EFR3B: variants seen among roughly 807,000 people sequenced by gnomAD.
The protein encoded by EFR3B is EFR3 homolog B.
Under a neutral mutation model 104.7 loss-of-function variants are expected in EFR3B, and 64 were observed. The ratio of observed to expected loss-of-function variants is 0.61; its 90% CI spans 0.50 to 0.75. The LOEUF is 0.75. Ranked by LOEUF, EFR3B falls within the 30% of genes least tolerant of loss-of-function variation. EFR3B has a pLI of 0.00. For missense variants in EFR3B, 750 were observed against 1,078.5 expected, an observed-to-expected ratio of 0.70 and a Z score of 4.27; for synonymous variants, 385 against 417.9, an observed-to-expected ratio of 0.92 and a Z score of 0.96.
intron 4 of EFR3B, among the ~76,000 whole-genome samples, chr2:25,121,158 T>A (rs1573217498): frequency 6.6e-6 from 1 of 152,310 alleles, no homozygotes. Flanking sequence ...TGCCTCGGCC[T>A]CCCAAAGTGC....
intron 12 of EFR3B, among the ~76,000 whole-genome samples, chr2:25,134,186 T>A (rs113478055): frequency 0.41 from 61,204 of 150,924 alleles, 14,171 homozygotes; most frequent in East Asian, 0.62. Context: ...TATTTTTTTT[T>A]TTTTTTTTTT....
chr2:25,102,782 G>T lies in EFR3B; in HGVS notation c.213-855G>T, dbSNP rs116475817. Among the ~76,000 whole-genome samples, 175 of 152,214 alleles carry T rather than the reference G, an allele frequency of 1.1e-3. 1 individual carries two copies. The highest frequency in any genetic ancestry group is 2.1e-3 in the Non-Finnish European group (141 of 68,022). ...TCCGAAGTTGTTCACTCAGGCTTTAGACTTCAGAGGAATTGTTTAAGTAAT... is the reference window on the plus strand; with the variant it reads ...TCCGAAGTTGTTCACTCAGGCTTTATACTTCAGAGGAATTGTTTAAGTAAT... On this transcript the variant is annotated intron_variant, in intron 3 of 22. Coordinates refer to ENST00000403714, the MANE Select transcript of EFR3B (RefSeq NM_014971.2).
chr2:25,045,605 A>G (rs1303781415), intron 1 of EFR3B, among the ~76,000 whole-genome samples: 1 of 151,914 alleles, frequency 6.6e-6, no homozygotes, highest in Non-Finnish European at 1.5e-5. Context: ...AACATGGCGA[A>G]ACCCCGTCTC....
intron 2 of EFR3B, among the ~76,000 whole-genome samples, chr2:25,091,652 T>C (rs1669127093): frequency 6.6e-6 from 1 of 152,252 alleles, no homozygotes; most frequent in South Asian, 2.1e-4. Flanking sequence ...CTTGGCATGC[T>C]TGTGGCCATC....
In EFR3B at chr2:25,154,275, G is replaced by A. The variant is rs1363535631; in HGVS notation, c.2389G>A (p.Gly797Ser). 1.9e-5 allele frequency: 30 copies of A among 1,551,748 alleles called. No homozygotes were observed. Among genetic ancestry groups the A allele is most frequent in the Non-Finnish European group, 2.4e-5 (28 of 1,147,058 alleles). Reference protein sequence around the residue: ...SPSGTITAAYGQPQNHSIPVY... With the variant: ...SPSGTITAAYSQPQNHSIPVY... The stretch of plus-strand genomic sequence containing the variant: ...ATCAGGAACCATCACTGCAGCCTAC[G>A]GTCAGCCGCAGAACCACTCCATCCC... The change falls in exon 23 of 23, where the codon GGT (glycine) becomes AGT (serine). Residue 797 changes from glycine (G) to serine (S), a missense_variant. Coordinates refer to ENST00000403714, the MANE Select transcript of EFR3B (RefSeq NM_014971.2). The surrounding 1 kb of genome is among the most constrained non-coding windows in gnomAD (Gnocchi z 4.1).
At chr2:25,128,485 C>T (rs1263510030) in intron 6 of EFR3B, among the ~76,000 whole-genome samples, 153 bp downstream of exon 6, 2 of 152,148 alleles carry the variant, frequency 1.3e-5, no homozygotes, top group African/African-American at 2.4e-5. Flanking sequence ...AAAGCTGGCT[C>T]CCTAGAAGCC....
rs1573247101 is a variant in EFR3B, at chr2:25,158,757, T to C, written c.*4417T>C. ...CTTCCAAGCTCTCCCCCCATGACTGTTGATTTCTGGCGCGTGGAGGCAGAG... is the reference window on the plus strand; with the variant it reads ...CTTCCAAGCTCTCCCCCCATGACTGCTGATTTCTGGCGCGTGGAGGCAGAG... On this transcript the variant is annotated 3_prime_UTR_variant, in exon 23 of 23. Transcript: ENST00000403714. 6.6e-6 allele frequency: 1 copy of C among 152,244 alleles called. No homozygotes were observed. The highest frequency in any genetic ancestry group is 1.9e-4 in the East Asian group (1 of 5,188). 9.4% of individuals were successfully genotyped at this position (152,244 alleles called of 1,614,324 possible).
chr2:25,107,967 G>C (rs1180086904), intron 4 of EFR3B, among the ~76,000 whole-genome samples: 1 of 151,982 alleles, frequency 6.6e-6, no homozygotes, highest in Non-Finnish European at 1.5e-5. Flanking sequence ...CCGAATAGCT[G>C]GGATTACAGG....
chr2:25,121,557 G>A, intron 4 of EFR3B, 116 bp from the exon 5 acceptor site: 3 of 1,329,876 alleles, frequency 2.3e-6, no homozygotes, highest in Non-Finnish European at 2.1e-6. Context: ...GGCCAAGCTG[G>A]CTCCAGGATG....
intron 17 of EFR3B, among the ~76,000 whole-genome samples, chr2:25,141,759 G>A (rs1045345802): frequency 9.2e-5 from 14 of 152,202 alleles, no homozygotes; most frequent in African/African-American, 2.9e-4. Flanking sequence ...TAATGTTTTC[G>A]GATCATAGTG....
At chr2:25,141,229 A>G (rs915611705) in intron 16 of EFR3B, 137 bp from the exon 17 acceptor site, 20 of 847,700 alleles carry the variant, frequency 2.4e-5, no homozygotes, top group South Asian at 4.0e-5. Flanking sequence ...TTCCACTGAA[A>G]AGCTCAGCTG....
chr2:25,064,657 T>C (rs1182504659), intron 1 of EFR3B, among the ~76,000 whole-genome samples: 1 of 152,154 alleles, frequency 6.6e-6, no homozygotes, highest in African/African-American at 2.4e-5. Context: ...AAAAATCGAA[T>C]GCCTCGACGT....
chr2:25,115,340 A>G (rs1035587929), intron 4 of EFR3B, among the ~76,000 whole-genome samples: 1 of 152,238 alleles, frequency 6.6e-6, no homozygotes, highest in Non-Finnish European at 1.5e-5. Context: ...AGCTAAGATC[A>G]TGCGACCCAG....
intron 4 of EFR3B, chr2:25,116,019 AT>A (rs1298784133): frequency 6.6e-6 from 1 of 152,250 alleles, no homozygotes; most frequent in Non-Finnish European, 1.5e-5. Context: ...CATATCTGAA[AT>A]GTGTTTTCCT....
intron 4 of EFR3B, among the ~76,000 whole-genome samples, chr2:25,117,097 G>A (rs1573214316): frequency 6.6e-6 from 1 of 152,172 alleles, no homozygotes; most frequent in Non-Finnish European, 1.5e-5. Context: ...AACGTGGAGG[G>A]GTCTTGGTGT....
At chr2:25,066,211 T>C (rs1278141639) in intron 1 of EFR3B, among the ~76,000 whole-genome samples, 1 of 152,176 alleles carries the variant, frequency 6.6e-6, no homozygotes, top group Non-Finnish European at 1.5e-5. Context: ...CTTGCTCTTC[T>C]TCCAGGATAG....
intron 4 of EFR3B, among the ~76,000 whole-genome samples, chr2:25,109,590 T>A (rs1374716364): frequency 1.3e-5 from 2 of 152,226 alleles, no homozygotes; most frequent in Non-Finnish European, 2.9e-5. Flanking sequence ...GCAACACTAT[T>A]CACAAGAGCT....
intron 5 of EFR3B, among the ~76,000 whole-genome samples, chr2:25,127,452 G>T (rs7596747): frequency 0.22 from 32,933 of 152,058 alleles, 4,114 homozygotes; most frequent in Admixed American, 0.38. Context: ...AGTTATGTTT[G>T]ATAACAAAGA....
chr2:25,130,693 G>A lies in EFR3B; in HGVS notation c.849+63G>A, dbSNP rs1277769231. Reference sequence around the variant, plus strand: ...AAAGGCCTCTCTAGAAGCTAGACGGGTGCTAAAATAGAAAGCCAGAAGTCC... The same window carrying A: ...AAAGGCCTCTCTAGAAGCTAGACGGATGCTAAAATAGAAAGCCAGAAGTCC... On this transcript the variant is annotated intron_variant, in intron 8 of 22. Transcript: ENST00000403714. This position sits in a 1 kb window ranked among gnomAD's most constrained non-coding sequence, Gnocchi z 4.6. The A allele has an allele frequency of 2.8e-6, 4 of 1,450,646 alleles. No homozygotes were observed. Among genetic ancestry groups the A allele is most frequent in the Non-Finnish European group, 3.8e-6 (4 of 1,055,960 alleles). 89.9% of individuals were successfully genotyped at this position (1,450,646 alleles called of 1,614,324 possible).
Sources: gnomAD v4.1 joint callset for allele counts (sites outside exome capture counted in the v4.1 genomes callset) on GRCh38, gnomAD v4.1.1 for gene constraint, Gnocchi (gnomAD v3.1) non-coding constraint, MANE v1.5 for transcripts, NCBI Gene and HGNC (gene_info 2026-07-23, HGNC 2026-07-21) for gene names.